Variants in MAD1L1 observed in about 807,000 individuals in gnomAD.
MAD1L1 encodes the protein mitotic spindle assembly checkpoint protein MAD1.
MAD1L1 carries 95 observed loss-of-function variants against 96.9 expected under a neutral mutation model. That is an observed-to-expected ratio of 0.98 (90% confidence interval 0.83 to 1.16). MAD1L1 has a LOEUF of 1.16. Among genes scored for constraint, MAD1L1 ranks in the 50% most tolerant of loss-of-function variants. MAD1L1 has a pLI of 0.00. For missense variants in MAD1L1, 1,007 were observed against 954.4 expected, an observed-to-expected ratio of 1.06 and a Z score of -0.73; for synonymous variants, 473 against 396.6, an observed-to-expected ratio of 1.19 and a Z score of -2.29.
chr7:1,981,755 C>G (rs754450147), intron 14 of MAD1L1, among the ~76,000 whole-genome samples: 1 of 152,166 alleles, frequency 6.6e-6, no homozygotes, highest in Non-Finnish European at 1.5e-5. Flanking sequence ...GGACAACACC[C>G]CCTGGGCTGG....
At chr7:2,031,693 G>A (rs866741298) in intron 12 of MAD1L1, among the ~76,000 whole-genome samples, 2 of 152,256 alleles carry the variant, frequency 1.3e-5, no homozygotes, top group Admixed American at 6.5e-5. Context: ...GGCTGCAGAC[G>A]GCCCCTCACC....
chr7:2,038,497 A>C (rs11772463), intron 12 of MAD1L1, among the ~76,000 whole-genome samples: 17,817 of 119,278 alleles, frequency 0.15, 1,576 homozygotes, highest in Middle Eastern at 0.3. Flanking sequence ...GAAGCTGATG[A>C]CTTTTTTTTT....
chr7:2,208,977 T>C (rs1792742720), intron 10 of MAD1L1, among the ~76,000 whole-genome samples: 2 of 152,012 alleles, frequency 1.3e-5, no homozygotes, highest in African/African-American at 4.8e-5. Flanking sequence ...AGGATGAGGG[T>C]GTCCACACCA....
intron 18 of MAD1L1, chr7:1,838,450 C>T (rs1169897133): frequency 3.5e-5 from 9 of 257,862 alleles, no homozygotes; most frequent in East Asian, 2.5e-4. Flanking sequence ...AACGGATGAA[C>T]GGATAAACAA....
At chr7:2,210,820 G>A (rs1030787351) in intron 10 of MAD1L1, among the ~76,000 whole-genome samples, 30 of 152,350 alleles carry the variant, frequency 2.0e-4, no homozygotes, top group East Asian at 3.9e-4. Flanking sequence ...CAGCGAGGAC[G>A]GCTCCATCCA....
At chr7:1,860,868 T>A (rs1455636216) in intron 18 of MAD1L1, among the ~76,000 whole-genome samples, 2 of 152,180 alleles carry the variant, frequency 1.3e-5, no homozygotes, top group African/African-American at 4.8e-5. Context: ...GGGTCACCCC[T>A]GTGCCTTCTG....
At chr7:1,931,610 T>C (rs1437410923) in intron 17 of MAD1L1, among the ~76,000 whole-genome samples, 1 of 152,164 alleles carries the variant, frequency 6.6e-6, no homozygotes, top group Non-Finnish European at 1.5e-5. Context: ...CCTGCTGACT[T>C]CCCGAGAGAC....
rs867101320 is a variant in MAD1L1, at chr7:1,887,904, T to C, written c.1998+10296A>G. Among the ~76,000 whole-genome samples the C allele has an allele frequency of 4.8e-3, 723 of 150,974 alleles. 17 individuals are homozygous for C. The highest frequency in any genetic ancestry group is 0.017 in the African/African-American group (689 of 40,882). On this transcript the variant is annotated intron_variant, in intron 18 of 18. Coordinates refer to ENST00000265854, the MANE Select transcript of MAD1L1 (RefSeq NM_001013836.2). ...GCGTGTGTGTGGCTGCCTGTGCATG[T>C]GTGTGCATGCATGGCTGCGGCTGCC...
chr7:1,822,266 G>A (rs1402927699), intron 18 of MAD1L1, among the ~76,000 whole-genome samples: 2 of 151,978 alleles, frequency 1.3e-5, no homozygotes, highest in Non-Finnish European at 2.9e-5. Context: ...CTTGTATAGT[G>A]TCTGTTTGCA....
chr7:1,904,367 G>A (rs1787482918), intron 17 of MAD1L1, among the ~76,000 whole-genome samples: 1 of 143,612 alleles, frequency 7.0e-6, no homozygotes, highest in South Asian at 2.3e-4. Context: ...GCCTATGGAA[G>A]ACGCTCTTGC....
At chr7:1,825,581 T>C (rs1265042055) in intron 18 of MAD1L1, among the ~76,000 whole-genome samples, 2 of 152,198 alleles carry the variant, frequency 1.3e-5, no homozygotes, top group Non-Finnish European at 2.9e-5. Flanking sequence ...GTTGGGCTTG[T>C]GCAAATCCCA....
intron 11 of MAD1L1, among the ~76,000 whole-genome samples, chr7:2,148,800 G>A (rs530939579): frequency 3.6e-4 from 55 of 152,252 alleles, no homozygotes; most frequent in African/African-American, 7.2e-4. Context: ...GCTAGTGACC[G>A]ACGGGCTGGT....
chr7:1,888,399 C>CGT, intron 18 of MAD1L1, among the ~76,000 whole-genome samples: 1 of 114,094 alleles, frequency 8.8e-6, no homozygotes, highest in South Asian at 3.0e-4. Context: ...TGTGTGCATG[C>CGT]GTGTGGCTGC....
In MAD1L1 at chr7:2,215,382, A is replaced by G. The variant is rs552901879; in HGVS notation, c.924+503T>C. On this transcript the variant is annotated intron_variant, in intron 9 of 18. Transcript: ENST00000265854. Reference sequence around the variant, plus strand: ...ACAGGGCGAGACTCCATCTCAAAAAAAAAAAAAAAAAAAGCCCACAAATGT... The same window carrying G: ...ACAGGGCGAGACTCCATCTCAAAAAGAAAAAAAAAAAAAGCCCACAAATGT... Among the ~76,000 whole-genome samples the G allele has an allele frequency of 5.3e-5, 8 of 151,988 alleles. No homozygotes were observed. The South Asian group carries it at 6.2e-4, about 12-fold the overall frequency.
At chr7:1,925,597 G>A (rs1383586724) in intron 17 of MAD1L1, among the ~76,000 whole-genome samples, 2 of 152,340 alleles carry the variant, frequency 1.3e-5, no homozygotes, top group East Asian at 1.9e-4. Context: ...TGGAGCCCAC[G>A]TGACCTCAAC....
intron 10 of MAD1L1, among the ~76,000 whole-genome samples, chr7:2,212,484 C>G (rs1013902289): frequency 6.6e-6 from 1 of 152,210 alleles, no homozygotes; most frequent in African/African-American, 2.4e-5. Context: ...GAGTGGATCC[C>G]TCACAGCTTG....
intron 4 of MAD1L1, 87 bp from the exon 5 acceptor site, chr7:2,222,841 T>C (rs1389482013): frequency 1.8e-5 from 20 of 1,135,866 alleles, no homozygotes; most frequent in Non-Finnish European, 2.0e-5. Context: ...TCTCAGAACA[T>C]GCCGAGGCAC....
intron 11 of MAD1L1, among the ~76,000 whole-genome samples, chr7:2,105,626 G>A (rs780732469): frequency 1.4e-4 from 22 of 152,110 alleles, no homozygotes; most frequent in Admixed American, 7.2e-4. Flanking sequence ...GGCCAGCCAC[G>A]CACTGTGAAG....
intron 10 of MAD1L1, among the ~76,000 whole-genome samples, chr7:2,192,033 TA>T (rs879327013): frequency 1.2e-3 from 165 of 137,376 alleles, no homozygotes; most frequent in African/African-American, 2.1e-3. Flanking sequence ...TCTGTCTCGA[TA>T]AAAAAAAAAA....
Sources: gnomAD v4.1 joint callset for allele counts (sites outside exome capture counted in the v4.1 genomes callset) on GRCh38, gnomAD v4.1.1 for gene constraint, MANE v1.5 for transcripts, NCBI Gene and HGNC (gene_info 2026-07-23, HGNC 2026-07-21) for gene names.